Variants in CHRM3 observed in about 807,000 individuals in gnomAD.
The protein encoded by CHRM3 is muscarinic acetylcholine receptor M3.
Under a neutral mutation model 41.8 loss-of-function variants are expected in CHRM3, and 11 were observed. The ratio of observed to expected loss-of-function variants is 0.26; its 90% CI spans 0.17 to 0.44. The LOEUF is 0.44. Ranked by LOEUF, CHRM3 falls within the 20% of genes least tolerant of loss-of-function variation. The pLI is 1.00. For missense variants in CHRM3, 571 were observed against 745.4 expected (o/e 0.77, Z 2.72); for synonymous variants, 297 against 301.4 (o/e 0.99, Z 0.15).
chr1:239,427,422 A>T (rs1572260082), intron 1 of CHRM3, among the ~76,000 whole-genome samples: 1 of 152,028 alleles, frequency 6.6e-6, no homozygotes, highest in East Asian at 1.9e-4. Context: ...GTGGTAGGAG[A>T]GGGTTGGCCG....
At chr1:239,683,055 T>A (rs1479545866) in intron 5 of CHRM3, among the ~76,000 whole-genome samples, 1 of 152,160 alleles carries the variant, frequency 6.6e-6, no homozygotes, top group Non-Finnish European at 1.5e-5. Context: ...ACAGTCACCC[T>A]ACTGTGTTAT....
intron 3 of CHRM3, among the ~76,000 whole-genome samples, chr1:239,577,773 C>T (rs563214847): frequency 7.2e-5 from 11 of 152,210 alleles, no homozygotes; most frequent in Admixed American, 2.6e-4. Context: ...GTATTGGTTG[C>T]CATTTCAAAT....
Position 239,796,184 on chromosome 1 carries a change from C to T in CHRM3, c.-146-31068C>T, listed in dbSNP as rs943462652. On this transcript the variant is annotated intron_variant, in intron 5 of 6. Transcript: ENST00000676153. ...TCCTAGAAGAGCATCCAAGGTTGCA[C>T]TTCTATGTAGGTACTGGAGTTTTTA... is the stretch of plus-strand genomic sequence containing the variant. Among the ~76,000 whole-genome samples, 3 of 152,218 alleles carry T rather than the reference C, an allele frequency of 2.0e-5. No individual in the cohort carries two copies. The South Asian group carries it at 6.2e-4, about 32-fold the overall frequency.
intron 6 of CHRM3, among the ~76,000 whole-genome samples, chr1:239,838,778 C>T (rs550996915): frequency 6.6e-6 from 1 of 152,002 alleles, no homozygotes; most frequent in Non-Finnish European, 1.5e-5. Flanking sequence ...TGTTATGGAC[C>T]CTTTGATGTG....
chr1:239,480,551 T>G (rs548765052), intron 1 of CHRM3, among the ~76,000 whole-genome samples: 15,763 of 131,170 alleles, frequency 0.12, 1,155 homozygotes, highest in Non-Finnish European at 0.17. Context: ...CAATTTTTTT[T>G]TTTTTTTTTT....
chr1:239,853,484 T>G (rs1558180698), intron 6 of CHRM3, among the ~76,000 whole-genome samples: 1 of 152,014 alleles, frequency 6.6e-6, no homozygotes, highest in Non-Finnish European at 1.5e-5. Context: ...TGTTGCTAAA[T>G]GAAAATATTA....
chr1:239,667,797 A>G lies in CHRM3; in HGVS notation c.-249-10389A>G, dbSNP rs77081278. On this transcript the variant is annotated intron_variant, in intron 4 of 6. Transcript: ENST00000676153. ...TCAAAACTCTACCCAGCTCTTCAGAATCCAACACAAATCACCTTTCTCTGT... is the reference window on the plus strand; with the variant it reads ...TCAAAACTCTACCCAGCTCTTCAGAGTCCAACACAAATCACCTTTCTCTGT... 4.6e-3 allele frequency among the ~76,000 whole-genome samples: 693 copies of G among 152,228 alleles called. 3 individuals carry two copies. The highest frequency in any genetic ancestry group is 5.3e-3 in the Non-Finnish European group (363 of 68,020).
At chr1:239,570,306 A>G (rs985166638) in intron 3 of CHRM3, among the ~76,000 whole-genome samples, 1 of 152,092 alleles carries the variant, frequency 6.6e-6, no homozygotes, top group African/African-American at 2.4e-5. Context: ...CCATGACTGT[A>G]AGTTTCCTGA....
chr1:239,618,916 T>C (rs1399471239), intron 3 of CHRM3, among the ~76,000 whole-genome samples: 2 of 150,776 alleles, frequency 1.3e-5, no homozygotes, highest in African/African-American at 2.4e-5. Context: ...GATTTATTTA[T>C]TTATTTATTT....
intron 1 of CHRM3, among the ~76,000 whole-genome samples, chr1:239,480,689 G>A (rs375644545): frequency 6.6e-5 from 10 of 151,542 alleles, no homozygotes; most frequent in East Asian, 2.0e-4. Context: ...CCTGAGTAGC[G>A]GGGACTACAG....
At chr1:239,808,144 G>A (rs1670810849) in intron 5 of CHRM3, among the ~76,000 whole-genome samples, 1 of 152,122 alleles carries the variant, frequency 6.6e-6, no homozygotes, top group South Asian at 2.1e-4. Flanking sequence ...CCAGTGTTTT[G>A]ATGGGAGTTC....
intron 6 of CHRM3, among the ~76,000 whole-genome samples, chr1:239,849,478 T>C (rs1234007275): frequency 2.6e-5 from 4 of 152,210 alleles, no homozygotes; most frequent in Non-Finnish European, 5.9e-5. Context: ...CTAGAAACAT[T>C]GTCAGGAGAC....
chr1:239,733,294 C>A (rs1165478511), intron 5 of CHRM3, among the ~76,000 whole-genome samples: 2 of 151,994 alleles, frequency 1.3e-5, no homozygotes, highest in Admixed American at 1.3e-4. Context: ...ATCTGGAGAG[C>A]TCCCCCAAAG....
At chr1:239,847,387 T>G (rs1054137012) in intron 6 of CHRM3, among the ~76,000 whole-genome samples, 1 of 152,188 alleles carries the variant, frequency 6.6e-6, no homozygotes, top group African/African-American at 2.4e-5. Flanking sequence ...CTAAAATAGA[T>G]CTTCAAAATA....
At chr1:239,501,734 T>TGTA (rs1184299956) in intron 2 of CHRM3, among the ~76,000 whole-genome samples, 1 of 152,086 alleles carries the variant, frequency 6.6e-6, no homozygotes, top group Non-Finnish European at 1.5e-5. Flanking sequence ...GGTGGGTGCC[T>TGTA]GTAGTCCCAG....
intron 5 of CHRM3, among the ~76,000 whole-genome samples, chr1:239,723,592 C>T (rs1403578961): frequency 6.6e-6 from 1 of 151,860 alleles, no homozygotes; most frequent in African/African-American, 2.4e-5. Context: ...TGCCATATAT[C>T]GAAAAATTCC....
chr1:239,622,293 C>T (rs1668465554), intron 3 of CHRM3, among the ~76,000 whole-genome samples: 1 of 152,102 alleles, frequency 6.6e-6, no homozygotes, highest in Non-Finnish European at 1.5e-5. Flanking sequence ...CATTCTGCAG[C>T]CCATGAATCA....
In CHRM3 at chr1:239,639,522, T is replaced by G. The variant is rs141121965; in HGVS notation, c.-250+7236T>G. On this transcript the variant is annotated intron_variant, in intron 4 of 6. Transcript: ENST00000676153. Reference sequence around the variant, plus strand: ...TTCTTGGTATTTTATTGTCTTTGAATCAATTGTGAATAGGAGTTCACTCAT... The same window carrying G: ...TTCTTGGTATTTTATTGTCTTTGAAGCAATTGTGAATAGGAGTTCACTCAT... 5.9e-3 allele frequency among the ~76,000 whole-genome samples: 902 copies of G among 152,192 alleles called. 6 individuals carry two copies. Among genetic ancestry groups the G allele is most frequent in the African/African-American group, 0.021 (858 of 41,540 alleles).
At chr1:239,782,723 T>C (rs1668596906) in intron 5 of CHRM3, among the ~76,000 whole-genome samples, 1 of 152,154 alleles carries the variant, frequency 6.6e-6, no homozygotes, top group Non-Finnish European at 1.5e-5. Flanking sequence ...TTTTAAGATC[T>C]TTCTTTCCTA....
Sources: gnomAD v4.1 joint callset for allele counts (sites outside exome capture counted in the v4.1 genomes callset) on GRCh38, gnomAD v4.1.1 for gene constraint, MANE v1.5 for transcripts, NCBI Gene and HGNC (gene_info 2026-07-23, HGNC 2026-07-21) for gene names.